Variants in PHKA1 observed in about 807,000 individuals in gnomAD.
The protein encoded by PHKA1 is phosphorylase kinase regulatory subunit alpha 1.
Under a neutral mutation model 110.2 loss-of-function variants are expected in PHKA1, and 60 were observed. The ratio of observed to expected loss-of-function variants is 0.54; its 90% CI spans 0.44 to 0.68. The LOEUF (loss-of-function observed/expected upper bound fraction) is 0.68. Ranked by LOEUF, PHKA1 falls within the 30% of genes least tolerant of loss-of-function variation. The pLI is 0.00. For synonymous variants in PHKA1, 316 were observed against 333.6 expected (o/e 0.95, Z 0.58); for missense variants, 801 against 942.5 (o/e 0.85, Z 1.97).
At chrX:72,703,035 A>G (rs1050304291) in intron 3 of PHKA1, among the ~76,000 whole-genome samples, 10 of 111,464 alleles carry the variant, frequency 9.0e-5, no homozygotes, top group Non-Finnish European at 1.7e-4. Context: ...TACTTCTTAC[A>G]TATATTGATT....
chrX:72,689,782 G>A lies in PHKA1; in HGVS notation c.455-5202C>T, dbSNP rs187532249. Among the ~76,000 whole-genome samples, 348 of 111,227 alleles carry A rather than the reference G, an allele frequency of 3.1e-3. 1 individual carries two copies. Among genetic ancestry groups the A allele is most frequent in the African/African-American group, 0.011 (339 of 30,618 alleles). ...GTATCTCTTTTTTAAGCCTTTTAAG[G>A]AACTACCAGACTCTTTTCCAAGGCA... On this transcript the variant is annotated intron_variant, in intron 4 of 31. Coordinates refer to ENST00000373542, the MANE Select transcript of PHKA1 (RefSeq NM_002637.4).
At chrX:72,699,289 G>C (rs983041271) in intron 3 of PHKA1, among the ~76,000 whole-genome samples, 1 of 108,919 alleles carries the variant, frequency 9.2e-6, no homozygotes, top group Non-Finnish European at 1.9e-5. Flanking sequence ...AGGTGGAGGG[G>C]GTCAAGAGAT....
At chrX:72,667,770 T>C in intron 6 of PHKA1, among the ~76,000 whole-genome samples, 1 of 111,637 alleles carries the variant, frequency 9.0e-6, no homozygotes, top group Non-Finnish European at 1.9e-5. Flanking sequence ...ATAAATGAGA[T>C]ATTATGTTTT....
chrX:72,688,597 CT>C (rs2053996715), intron 4 of PHKA1, among the ~76,000 whole-genome samples: 1 of 112,214 alleles, frequency 8.9e-6, no homozygotes, highest in Non-Finnish European at 1.9e-5. Flanking sequence ...TCCTACTGTT[CT>C]TTCAAGGCTC....
intron 2 of PHKA1, among the ~76,000 whole-genome samples, chrX:72,707,629 T>TTG (rs2054307001): frequency 1.2e-5 from 1 of 81,980 alleles, no homozygotes; most frequent in Non-Finnish European, 2.3e-5. Context: ...TATCAAAAAA[T>TTG]CGTGTGTGTG....
intron 23 of PHKA1, among the ~76,000 whole-genome samples, chrX:72,606,024 T>C (rs781926523): frequency 8.9e-6 from 1 of 112,430 alleles, no homozygotes; most frequent in South Asian, 3.7e-4. Flanking sequence ...ACAGGGTACA[T>C]GTGATGTTTT....
At chrX:72,666,085 C>T in intron 8 of PHKA1, 66 bp downstream of exon 8, 1 of 1,088,004 alleles carries the variant, frequency 9.2e-7, no homozygotes, top group Non-Finnish European at 1.3e-6. Context: ...TACTTAAGGC[C>T]CCCAAAGGCA....
intron 21 of PHKA1, among the ~76,000 whole-genome samples, chrX:72,612,220 C>T (rs1253330525): frequency 9.0e-6 from 1 of 111,576 alleles, no homozygotes; most frequent in African/African-American, 3.3e-5. Flanking sequence ...AGAAGCCTGT[C>T]ATAAAGGACC....
intron 19 of PHKA1, among the ~76,000 whole-genome samples, chrX:72,619,522 G>A (rs2052947236): frequency 8.9e-6 from 1 of 112,044 alleles, no homozygotes; most frequent in Admixed American, 9.5e-5. Flanking sequence ...TGAATTTCTA[G>A]AATTATAGCA....
At chrX:72,628,379 G>A (rs868938161) in intron 16 of PHKA1, among the ~76,000 whole-genome samples, 55 of 107,600 alleles carry the variant, frequency 5.1e-4, no homozygotes, top group African/African-American at 1.7e-3. Context: ...TACCCTTTTC[G>A]CTCTCATATG....
At chrX:72,709,388 A>G (rs1272987836) in intron 2 of PHKA1, 1 of 107,523 alleles carries the variant, frequency 9.3e-6, no homozygotes, top group Non-Finnish European at 1.9e-5. Context: ...CTCTCAATCT[A>G]GGATGCAGTA....
rs2054096230 is a variant in PHKA1 at position 72,695,556 on chromosome X, A to C, written c.454+152T>G. The stretch of plus-strand genomic sequence containing the variant: ...CAATGAAACCTAGCCCTTCTTTGCC[A>C]TCTCATGATATCTGAGAATTAATAA... On this transcript the variant is annotated intron_variant, in intron 4 of 31. Coordinates refer to ENST00000373542, the MANE Select transcript of PHKA1 (RefSeq NM_002637.4). 13 of 542,161 alleles carry C rather than the reference A, an allele frequency of 2.4e-5. No homozygotes were observed. The South Asian group carries it at 3.8e-4, about 16-fold the overall frequency. The allele number at this position is 542,161 out of a possible 1,213,427, so 44.7% of individuals were successfully genotyped here.
At chrX:72,694,768 T>G (rs1556326037) in intron 4 of PHKA1, among the ~76,000 whole-genome samples, 3 of 112,016 alleles carry the variant, frequency 2.7e-5, no homozygotes, top group African/African-American at 9.7e-5. Context: ...CATTCTGGAC[T>G]CAAAATGAAA....
rs781995770 is a variant in PHKA1, at chrX:72,688,842, T to C, written c.455-4262A>G. 12 of 112,363 alleles carry C rather than the reference T, an allele frequency of 1.1e-4. No homozygotes were observed. The Middle Eastern group carries it at 0.014, about 129-fold the overall frequency. The allele number at this position is 112,363 out of a possible 1,213,427, so 9.3% of individuals were successfully genotyped here. On this transcript the variant is annotated intron_variant, in intron 4 of 31. Coordinates refer to ENST00000373542, the MANE Select transcript of PHKA1 (RefSeq NM_002637.4). Reference sequence around the variant, plus strand: ...GTATTCTGAACGGTATTAAATAGCATTGAACAGTAGATGTTTGAAAATTTA... The same window carrying C: ...GTATTCTGAACGGTATTAAATAGCACTGAACAGTAGATGTTTGAAAATTTA...
chrX:72,675,334 T>C (rs1556311259), intron 6 of PHKA1, among the ~76,000 whole-genome samples: 1 of 111,745 alleles, frequency 8.9e-6, no homozygotes, highest in African/African-American at 3.2e-5. Context: ...CTACTTCACT[T>C]GACATTCACA....
chrX:72,635,395 T>G, intron 15 of PHKA1, 96 bp from the exon 16 acceptor site: 52 of 817,905 alleles, frequency 6.4e-5, no homozygotes, highest in East Asian at 1.7e-4. Flanking sequence ...GTATCCAAGA[T>G]GTCACAGGGC....
At chrX:72,657,553 C>T (rs782157652) in intron 9 of PHKA1, 35 bp downstream of exon 9, 2 of 1,112,814 alleles carry the variant, frequency 1.8e-6, no homozygotes, top group African/African-American at 3.6e-5. Flanking sequence ...AGTGGCCATT[C>T]TACCTTGGAT....
intron 3 of PHKA1, among the ~76,000 whole-genome samples, chrX:72,703,707 A>G (rs1255874687): frequency 2.7e-5 from 3 of 111,806 alleles, no homozygotes; most frequent in African/African-American, 6.5e-5. Context: ...CGAAAGTGCA[A>G]ATATCTAAAA....
At chrX:72,650,517 C>A (rs1556298669) in intron 12 of PHKA1, 49 bp from the exon 13 acceptor site, 1 of 1,008,154 alleles carries the variant, frequency 9.9e-7, no homozygotes, top group East Asian at 3.1e-5. Flanking sequence ...AAAAGAGAAA[C>A]TAATACTTGA....
Sources: allele counts gnomAD v4.1 joint callset (sites outside exome capture counted in the v4.1 genomes callset), GRCh38; gene constraint gnomAD v4.1.1; transcripts MANE v1.5; gene names NCBI Gene and HGNC (gene_info 2026-07-23, HGNC 2026-07-21).